Variants in RAC3 observed in about 807,000 individuals in gnomAD.
RAC3 encodes Rac family small GTPase 3.
Under a neutral mutation model 19.0 loss-of-function variants are expected in RAC3, and 9 were observed. The ratio of observed to expected loss-of-function variants is 0.47; its 90% CI spans 0.29 to 0.83. The LOEUF (loss-of-function observed/expected upper bound fraction) is 0.83. RAC3 is among the 40% of genes least tolerant of loss of function. The probability of loss-of-function intolerance (pLI) is 0.09; values close to 1 mark genes in which losing one functional copy is unlikely to be tolerated. For missense variants in RAC3, 203 were observed against 260.8 expected (o/e 0.78, Z 1.53); for synonymous variants, 146 against 111.8 (o/e 1.31, Z -1.93).
Position 82,033,444 on chromosome 17 carries a change from A to G in RAC3, c.293A>G (p.Tyr98Cys). 6.2e-7 allele frequency: 1 copy of G among 1,602,268 alleles called. No homozygotes were observed. The highest frequency in any genetic ancestry group is 8.5e-7 in the Non-Finnish European group (1 of 1,174,458). The stretch of plus-strand genomic sequence containing the variant: ...TCAGAGCGTCTGTCCCTGCAGTGGT[A>G]CCCGGAGGTGCGGCACCACTGCCCC... ...ASFENVRAKWYPEVRHHCPHT... is the reference protein window; with the variant it reads ...ASFENVRAKWCPEVRHHCPHT... The change falls in exon 5 of 6, where the codon TAC becomes TGC. Residue 98 changes from tyrosine (Y) to cysteine (C), a missense_variant. By Grantham distance (194) the Tyr-to-Cys change is radical. This residue lies in a region of RAC3 where 142 missense variants were observed against 158.2 expected (regional missense o/e 0.90). Transcript: ENST00000306897. This position sits in a 1 kb window ranked among gnomAD's most constrained non-coding sequence, Gnocchi z 6.2.
rs1458704858 is a variant in RAC3 at position 82,033,092 on chromosome 17, G to A, written c.288+83G>A. The A allele has an allele frequency of 8.4e-6, 11 of 1,311,808 alleles. No homozygotes were observed. In the East Asian group the frequency reaches 1.0e-4, roughly 12 times the overall value. The allele number at this position is 1,311,808 out of a possible 1,614,324, so 81.3% of individuals were successfully genotyped here. On this transcript the variant is annotated intron_variant, in intron 4 of 5. Coordinates refer to ENST00000306897, the MANE Select transcript of RAC3 (RefSeq NM_005052.3). The surrounding 1 kb of genome is among the most constrained non-coding windows in gnomAD (Gnocchi z 6.2). The stretch of plus-strand genomic sequence containing the variant: ...CAAGTTGTCCTTTAGAGGCAATTGC[G>A]ATACGGGTTCTGCCTGGGGTAGGCA...
rs749403808 is a variant in RAC3, at chr17:82,032,971, C to T, written c.250C>T (p.Leu84=). 1.9e-6 allele frequency: 3 copies of T among 1,613,750 alleles called. No individual in the cohort carries two copies. The highest frequency in any genetic ancestry group is 2.5e-6 in the Non-Finnish European group (3 of 1,179,994). The change falls in exon 4 of 6, where the codon CTG becomes TTG. Residue 84 remains leucine, a synonymous_variant. Transcript: ENST00000306897. The stretch of plus-strand genomic sequence containing the variant: ...GGACGTCTTTCTGATCTGCTTCTCT[C>T]TGGTGAGCCCGGCCTCCTTCGAGAA... ...QTDVFLICFS[L]VSPASFENVR...
At chr17:82,031,867 C>T (rs1423021457) in intron 1 of RAC3, 71 bp downstream of exon 1, 5 of 136,652 alleles carry the variant, frequency 3.7e-5, no homozygotes, top group Non-Finnish European at 5.6e-5. Flanking sequence ...GGGGCGCAGC[C>T]GGGGCGGGGC....
intron 2 of RAC3, 45 bp downstream of exon 2, chr17:82,032,503 G>A (rs1402407812): frequency 6.2e-7 from 1 of 1,600,366 alleles, no homozygotes; most frequent in Non-Finnish European, 8.6e-7. Context: ...CTCCGTGTGA[G>A]TGTGGCATGG....
chr17:82,032,976 G>A lies in RAC3; in HGVS notation c.255G>A (p.Val85=), dbSNP rs748260072. 3.1e-6 allele frequency: 5 copies of A among 1,613,590 alleles called. No homozygotes were observed. Among genetic ancestry groups the A allele is most frequent in the Admixed American group, 1.7e-5 (1 of 60,014 alleles). ...TDVFLICFSL[V]SPASFENVRA... ...TCTTTCTGATCTGCTTCTCTCTGGT[G>A]AGCCCGGCCTCCTTCGAGAATGTTC... Residue 85 remains valine (V), a synonymous_variant, in exon 4 of 6, where the codon GTG becomes GTA. Transcript: ENST00000306897.
chr17:82,032,108 C>T, intron 1 of RAC3: 1 of 486,676 alleles, frequency 2.1e-6, no homozygotes, highest in Non-Finnish European at 3.7e-6. Flanking sequence ...GAACCCTCAG[C>T]CGGCCCCACC....
intron 1 of RAC3, 22 bp downstream of exon 1, chr17:82,031,818 C>CGCTTG: frequency 1.7e-6 from 1 of 590,302 alleles, no homozygotes; most frequent in East Asian, 1.4e-4. Context: ...GCCCGGAGGC[C>CGCTTG]GCTTGGCTGG....
rs200463475 is a variant in RAC3 at position 82,033,426 on chromosome 17, G to A, written c.289-14G>A. 1.0e-5 allele frequency: 16 copies of A among 1,581,382 alleles called. No homozygotes were observed. Among genetic ancestry groups the A allele is most frequent in the East Asian group, 4.5e-5 (2 of 44,586 alleles). ...CGACTCCGGGCCTAGGGATCAGAGC[G>A]TCTGTCCCTGCAGTGGTACCCGGAG... On this transcript the variant is annotated splice_polypyrimidine_tract_variant and intron_variant, in intron 4 of 5. Transcript: ENST00000306897. This position sits in a 1 kb window ranked among gnomAD's most constrained non-coding sequence, Gnocchi z 6.2.
chr17:82,031,839 AG>A lies in RAC3; in HGVS notation c.35+49del, dbSNP rs1217475459. On this transcript the variant is annotated intron_variant, in intron 1 of 5. Coordinates refer to ENST00000306897, the MANE Select transcript of RAC3 (RefSeq NM_005052.3). ...AGGCCGCTTGGCTGGGCTGGGCGGGAGGGGGGCTCGGGGGCTCGGGGCGCAG... is the reference window on the plus strand; with the variant it reads ...AGGCCGCTTGGCTGGGCTGGGCGGGAGGGGGCTCGGGGGCTCGGGGCGCAG... 2.3e-4 allele frequency: 24 copies of A among 105,688 alleles called. No homozygotes were observed. In the South Asian group the frequency reaches 8.5e-3, roughly 37 times the overall value. 6.5% of individuals were successfully genotyped at this position (105,688 alleles called of 1,614,324 possible).
Position 82,033,120 on chromosome 17 carries a change from C to A in RAC3, c.288+111C>A. On this transcript the variant is annotated intron_variant, in intron 4 of 5. Coordinates refer to ENST00000306897, the MANE Select transcript of RAC3 (RefSeq NM_005052.3). The surrounding 1 kb of genome is among the most constrained non-coding windows in gnomAD (Gnocchi z 6.2). ...ACGGGTTCTGCCTGGGGTAGGCACA[C>A]GGAGTGGGGTCTGAAGATGACCATG... The A allele has an allele frequency of 8.1e-7, 1 of 1,229,326 alleles. No homozygotes were observed. The highest frequency in any genetic ancestry group is 1.2e-6 in the Non-Finnish European group (1 of 852,308). The allele number at this position is 1,229,326 out of a possible 1,614,324, so 76.2% of individuals were successfully genotyped here. A position where few individuals can be genotyped will look rare whatever the true frequency, so the allele number is the denominator to read the frequency against.
rs962594123 is a variant in RAC3 at position 82,034,072 on chromosome 17, C to T, written c.*243C>T. The stretch of plus-strand genomic sequence containing the variant: ...GGAGGGAGCAGGGTCTCCCTCAGGG[C>T]TGCAGGGGCAGGTGCAGGGAAGCCC... On this transcript the variant is annotated 3_prime_UTR_variant, in exon 6 of 6. Transcript: ENST00000306897. 7.0e-5 allele frequency: 12 copies of T among 170,580 alleles called. No individual in the cohort carries two copies. The highest frequency in any genetic ancestry group is 1.9e-4 in the African/African-American group (6 of 31,940). 10.6% of individuals were successfully genotyped at this position (170,580 alleles called of 1,614,324 possible).
In RAC3 at chr17:82,033,731, AC is replaced by A. The variant is rs2043455844; in HGVS notation, c.484del (p.Gln162SerfsTer4). On this transcript the variant is annotated frameshift_variant, in exon 6 of 6. Coordinates refer to ENST00000306897, the MANE Select transcript of RAC3 (RefSeq NM_005052.3). LOFTEE classifies it high-confidence loss of function. This position sits in a 1 kb window ranked among gnomAD's most constrained non-coding sequence, Gnocchi z 6.2. ...SVKYLECSAL[T>X]QRGLKTVFDE... Reference sequence around the variant, plus strand: ...GAAATACCTGGAGTGCTCAGCCCTGACCCAGCGGGGCCTGAAGACAGTGTTT... The same window carrying A: ...GAAATACCTGGAGTGCTCAGCCCTGACCAGCGGGGCCTGAAGACAGTGTTT... The A allele has an allele frequency of 6.2e-7, 1 of 1,612,810 alleles. No homozygotes were observed. Among genetic ancestry groups the A allele is most frequent in the African/African-American group, 1.3e-5 (1 of 74,862 alleles).
At position 82,031,803 on chromosome 17, in the gene RAC3, G is replaced by A; in HGVS notation, c.35+7G>A. ...GCGTGGTGGTCGGCGACGGGTGAGT[G>A]CGCGGCCCGGAGGCCGCTTGGCTGG... is the stretch of plus-strand genomic sequence containing the variant. On this transcript the variant is annotated splice_region_variant and intron_variant, in intron 1 of 5. Coordinates refer to ENST00000306897, the MANE Select transcript of RAC3 (RefSeq NM_005052.3). The A allele has an allele frequency of 1.0e-6, 1 of 994,584 alleles. No homozygotes were observed. Among genetic ancestry groups the A allele is most frequent in the Non-Finnish European group, 1.2e-6 (1 of 837,618 alleles). 61.6% of individuals were successfully genotyped at this position (994,584 alleles called of 1,614,324 possible). A position where few individuals can be genotyped will look rare whatever the true frequency, so the allele number is the denominator to read the frequency against.
At chr17:82,031,865 G>T (rs1053273917) in intron 1 of RAC3, 69 bp downstream of exon 1, 2 of 727,692 alleles carry the variant, frequency 2.7e-6, no homozygotes, top group African/African-American at 3.9e-5. Context: ...TCGGGGCGCA[G>T]CCGGGGCGGG....
At position 82,034,054 on chromosome 17, in the gene RAC3, G is replaced by A. The variant is rs1046772932; in HGVS notation, c.*225G>A. On this transcript the variant is annotated 3_prime_UTR_variant, in exon 6 of 6. Transcript: ENST00000306897. The stretch of plus-strand genomic sequence containing the variant: ...GGCCCCCGCCGGAGGCCGGGAGGGA[G>A]CAGGGTCTCCCTCAGGGCTGCAGGG... 2.5e-6 allele frequency: 1 copy of A among 403,066 alleles called. No individual in the cohort carries two copies. The highest frequency in any genetic ancestry group is 3.1e-5 in the South Asian group (1 of 32,110). The allele number at this position is 403,066 out of a possible 1,614,324, so 25.0% of individuals were successfully genotyped here.
chr17:82,032,921 C>A, intron 3 of RAC3, 26 bp from the exon 4 acceptor site: 1 of 1,612,436 alleles, frequency 6.2e-7, no homozygotes, highest in Non-Finnish European at 8.5e-7. Flanking sequence ...CCTGACCACT[C>A]CACCAGGTCC....
Position 82,032,645 on chromosome 17 carries a change from G to A in RAC3, c.108-66G>A, listed in dbSNP as rs1223123084. ...GCAGACTTGTGAACCCCAAGACACA[G>A]GCCAGCAGGGCTGGGGGTTTCTGGG... is the stretch of plus-strand genomic sequence containing the variant. On this transcript the variant is annotated intron_variant, in intron 2 of 5. Coordinates refer to ENST00000306897, the MANE Select transcript of RAC3 (RefSeq NM_005052.3). 7 of 1,508,840 alleles carry A rather than the reference G, an allele frequency of 4.6e-6. No individual in the cohort carries two copies. The Admixed American group carries it at 8.4e-5, about 18-fold the overall frequency. 93.5% of individuals were successfully genotyped at this position (1,508,840 alleles called of 1,614,324 possible). A position where few individuals can be genotyped will look rare whatever the true frequency, so the allele number is the denominator to read the frequency against.
In RAC3 at chr17:82,032,464, T is replaced by G; in HGVS notation, c.107+6T>G. On this transcript the variant is annotated splice_donor_region_variant and intron_variant, in intron 2 of 5. Coordinates refer to ENST00000306897, the MANE Select transcript of RAC3 (RefSeq NM_005052.3). Reference sequence around the variant, plus strand: ...GGAGAGTACATCCCCACCGTGTGAGTGTGGGGGCTTCCCGGGAGAGCACAG... The same window carrying G: ...GGAGAGTACATCCCCACCGTGTGAGGGTGGGGGCTTCCCGGGAGAGCACAG... The G allele has an allele frequency of 6.2e-7, 1 of 1,612,150 alleles. No homozygotes were observed.
chr17:82,032,277 C>T, intron 1 of RAC3, 110 bp from the exon 2 acceptor site: 2 of 1,034,410 alleles, frequency 1.9e-6, no homozygotes, highest in Non-Finnish European at 2.9e-6. Context: ...GTCCCCCTCT[C>T]GACCCCAGAC....
Sources: gnomAD v4.1 joint callset for allele counts on GRCh38, gnomAD v4.1.1 for gene constraint, gnomAD v4.1.1 regional missense constraint, Gnocchi (gnomAD v3.1) non-coding constraint, MANE v1.5 for transcripts, NCBI Gene and HGNC (gene_info 2026-07-23, HGNC 2026-07-21) for gene names.